SIPA1L2: variants seen among roughly 807,000 people sequenced by gnomAD.
SIPA1L2 encodes the protein signal induced proliferation associated 1 like 2, also known as signal-induced proliferation-associated 1-like protein 2.
In SIPA1L2, 56 loss-of-function variants were observed where a neutral mutation model predicts 163.9. The observed-to-expected ratio is 0.34, with a 90% CI of 0.28 to 0.43. SIPA1L2 has a LOEUF of 0.43. Ranked by LOEUF, SIPA1L2 falls within the 20% of genes least tolerant of loss-of-function variation. The pLI is 1.00. For synonymous variants in SIPA1L2, 877 were observed against 865.7 expected (o/e 1.01, Z -0.23); for missense variants, 1,974 against 2,193.5 (o/e 0.90, Z 2.00).
chr1:232,569,004 G>A (rs1659566404), intron 2 of SIPA1L2, among the ~76,000 whole-genome samples: 1 of 152,054 alleles, frequency 6.6e-6, no homozygotes, highest in Non-Finnish European at 1.5e-5. Context: ...TCATCATCTT[G>A]TTTCCTCCAG....
Position 232,561,209 on chromosome 1 carries a change from C to A in SIPA1L2, c.-270+12965G>T, listed in dbSNP as rs576221821. 3.9e-5 allele frequency among the ~76,000 whole-genome samples: 6 copies of A among 152,276 alleles called. No individual in the cohort carries two copies. The South Asian group carries it at 1.2e-3, about 32-fold the overall frequency. On this transcript the variant is annotated intron_variant, in intron 2 of 22. Coordinates refer to ENST00000674635, the MANE Select transcript of SIPA1L2 (RefSeq NM_020808.5). ...TTTTGATTAATGATACAAATGGCCA[C>A]GACATCATTCTCAACTATCTTCCCA...
chr1:232,609,373 T>C lies in SIPA1L2; in HGVS notation c.-319+20496A>G, dbSNP rs542280025. ...AAAGTTTAAAATGAATATGCTGAAATTGCTTCACAATTTCTTCTTCCATTT... is the reference window on the plus strand; with the variant it reads ...AAAGTTTAAAATGAATATGCTGAAACTGCTTCACAATTTCTTCTTCCATTT... On this transcript the variant is annotated intron_variant, in intron 1 of 22. Coordinates refer to ENST00000674635, the MANE Select transcript of SIPA1L2 (RefSeq NM_020808.5). 9.2e-5 allele frequency among the ~76,000 whole-genome samples: 14 copies of C among 152,320 alleles called. No homozygotes were observed. The East Asian group carries it at 2.5e-3, about 27-fold the overall frequency.
chr1:232,555,468 G>A (rs1465993513), intron 2 of SIPA1L2, among the ~76,000 whole-genome samples: 1 of 152,126 alleles, frequency 6.6e-6, no homozygotes, highest in African/African-American at 2.4e-5. Context: ...CTAACCAAAT[G>A]CCTAATTAAC....
At position 232,425,632 on chromosome 1, in the gene SIPA1L2, C is replaced by T; in HGVS notation, c.4587G>A (p.Leu1529=). 6.2e-7 allele frequency: 1 copy of T among 1,611,048 alleles called. No individual in the cohort carries two copies. The highest frequency in any genetic ancestry group is 8.5e-7 in the Non-Finnish European group (1 of 1,178,850). Residue 1529 remains leucine, a synonymous_variant, in exon 18 of 23, where the codon CTG becomes CTA. Coordinates refer to ENST00000674635, the MANE Select transcript of SIPA1L2 (RefSeq NM_020808.5). The part of the protein sequence containing the change: ...FSTTPPYHST[L]PPRAHPAPSM... Reference sequence around the variant, plus strand: ...TGGGTGCGGGGTGGGCCCGCGGAGGCAGCGTGCTGTGGTAGGGTGGGGTGG... The same window carrying T: ...TGGGTGCGGGGTGGGCCCGCGGAGGTAGCGTGCTGTGGTAGGGTGGGGTGG...
chr1:232,464,708 C>T, intron 9 of SIPA1L2, 132 bp downstream of exon 9: 1 of 732,354 alleles, frequency 1.4e-6, no homozygotes, highest in Non-Finnish European at 2.1e-6. Context: ...TAAAATTAAG[C>T]TCTGTATCTG....
At chr1:232,575,964 T>C (rs1660055275) in intron 1 of SIPA1L2, among the ~76,000 whole-genome samples, 2 of 152,320 alleles carry the variant, frequency 1.3e-5, no homozygotes, top group East Asian at 3.9e-4. Context: ...ATGAGGTATG[T>C]AGAGTAAGTC....
chr1:232,512,809 A>AT (rs1453003428), intron 3 of SIPA1L2, among the ~76,000 whole-genome samples: 1,773 of 152,246 alleles, frequency 0.012, 32 homozygotes, highest in African/African-American at 0.04. Context: ...AAGTAAAAAA[A>AT]AAAATAAATA....
Position 232,441,796 on chromosome 1 carries a change from T to C in SIPA1L2, c.3510A>G (p.Glu1170=), listed in dbSNP as rs1453355384. ...PLECDGARER[E]DTMEASRHPE... ...GGTGCCTGCTTGCTTCCATGGTGTC[T>C]TCCCTCTCCCTGGCTCCGTCACATT... Residue 1170 remains glutamate, a synonymous_variant, in exon 13 of 23, where the codon GAA becomes GAG. Transcript: ENST00000674635. 1 of 1,614,022 alleles carries C rather than the reference T, an allele frequency of 6.2e-7. No homozygotes were observed. The highest frequency in any genetic ancestry group is 1.1e-5 in the South Asian group (1 of 90,988).
At chr1:232,427,270 A>G (rs1394246819) in intron 17 of SIPA1L2, among the ~76,000 whole-genome samples, 2 of 152,222 alleles carry the variant, frequency 1.3e-5, no homozygotes, top group African/African-American at 4.8e-5. Flanking sequence ...TTCCCTCCTC[A>G]CACACCACCA....
At chr1:232,621,735 CA>C (rs1226961623) in intron 1 of SIPA1L2, among the ~76,000 whole-genome samples, 8 of 145,288 alleles carry the variant, frequency 5.5e-5, no homozygotes, top group East Asian at 2.2e-4. Flanking sequence ...TCATTTAAAA[CA>C]TTTTTTTTTT....
intron 18 of SIPA1L2, among the ~76,000 whole-genome samples, chr1:232,423,810 A>C (rs1661717738): frequency 6.6e-6 from 1 of 152,234 alleles, no homozygotes; most frequent in African/African-American, 2.4e-5. Flanking sequence ...TGTAAAAAGA[A>C]ATGAGCTATC....
chr1:232,414,720 C>A (rs576921442), intron 19 of SIPA1L2, among the ~76,000 whole-genome samples: 1 of 152,154 alleles, frequency 6.6e-6, no homozygotes, highest in African/African-American at 2.4e-5. Context: ...AGCCTGCCAT[C>A]GTAAAAACTC....
chr1:232,471,347 A>G lies in SIPA1L2; in HGVS notation c.2243+24T>C, dbSNP rs773801714. On this transcript the variant is annotated intron_variant, in intron 8 of 22. Coordinates refer to ENST00000674635, the MANE Select transcript of SIPA1L2 (RefSeq NM_020808.5). ...CTGTTGAAATAAACCTGGGAGAATG[A>G]TAGATCAGGGATGACTGACTCACCT... 14 of 1,585,910 alleles carry G rather than the reference A, an allele frequency of 8.8e-6. No homozygotes were observed. In the South Asian group the frequency reaches 1.7e-4, roughly 19 times the overall value.
At chr1:232,459,559 C>T (rs941406720) in intron 10 of SIPA1L2, among the ~76,000 whole-genome samples, 1 of 152,168 alleles carries the variant, frequency 6.6e-6, no homozygotes, top group Non-Finnish European at 1.5e-5. Context: ...GCCACCCATG[C>T]TGGCGTACAG....
At chr1:232,406,781 G>C (rs956859566) in intron 19 of SIPA1L2, among the ~76,000 whole-genome samples, 3 of 150,460 alleles carry the variant, frequency 2.0e-5, no homozygotes, top group Non-Finnish European at 4.4e-5. Flanking sequence ...GGAATAGAAC[G>C]ATAGTGCCTG....
chr1:232,493,407 G>T, intron 4 of SIPA1L2, 120 bp downstream of exon 4: 2 of 1,265,000 alleles, frequency 1.6e-6, no homozygotes, highest in Non-Finnish European at 2.2e-6. Flanking sequence ...TATCTTAAAT[G>T]TTGCAATCAT....
chr1:232,466,434 G>A (rs893039804), intron 8 of SIPA1L2, among the ~76,000 whole-genome samples: 5 of 152,180 alleles, frequency 3.3e-5, no homozygotes, highest in Admixed American at 2.0e-4. Flanking sequence ...TCAGAGAGTT[G>A]CTTTAGTTAT....
intron 3 of SIPA1L2, among the ~76,000 whole-genome samples, chr1:232,495,360 G>A (rs555626940): frequency 5.3e-5 from 8 of 152,138 alleles, no homozygotes; most frequent in African/African-American, 1.2e-4. Context: ...TTAGGAGATC[G>A]AGACCATTCT....
chr1:232,618,678 T>C (rs1662636765), intron 1 of SIPA1L2, among the ~76,000 whole-genome samples: 1 of 151,706 alleles, frequency 6.6e-6, no homozygotes, highest in African/African-American at 2.4e-5. Flanking sequence ...AAACTCTTGT[T>C]ACTCCGCATA....
Sources: gnomAD v4.1 joint callset for allele counts (sites outside exome capture counted in the v4.1 genomes callset) on GRCh38, gnomAD v4.1.1 for gene constraint, MANE v1.5 for transcripts, NCBI Gene and HGNC (gene_info 2026-07-23, HGNC 2026-07-21) for gene names.